DCAF8L2: variants seen among roughly 807,000 people sequenced by gnomAD.
DCAF8L2 encodes the protein DDB1- and CUL4-associated factor 8-like protein 2.
For missense variants in DCAF8L2, 430 were observed against 490.7 expected, an observed-to-expected ratio of 0.88 and a Z score of 1.17; for synonymous variants, 200 against 190.9, an observed-to-expected ratio of 1.05 and a Z score of -0.39.
At chrX:27,739,790 C>G (rs973504196) in intron 4 of DCAF8L2, among the ~76,000 whole-genome samples, 1 of 111,728 alleles carries the variant, frequency 9.0e-6, no homozygotes, top group African/African-American at 3.3e-5. Context: ...TTATTCCTGT[C>G]AAATACTTAG....
intron 2 of DCAF8L2, among the ~76,000 whole-genome samples, chrX:27,663,864 A>ATTTT (rs80069253): frequency 2.9e-5 from 2 of 69,003 alleles, no homozygotes; most frequent in African/African-American, 5.7e-5. Context: ...CACCTGGCTA[A>ATTTT]TTTTTTTTTT....
chrX:27,627,424 A>T (rs1404306775), intron 1 of DCAF8L2: 1 of 110,485 alleles, frequency 9.1e-6, no homozygotes, highest in African/African-American at 3.3e-5. Flanking sequence ...GTTTGGACAT[A>T]TGCAAACACC....
chrX:27,662,748 A>G (rs911244236), intron 2 of DCAF8L2, among the ~76,000 whole-genome samples: 2 of 111,513 alleles, frequency 1.8e-5, no homozygotes, highest in African/African-American at 6.5e-5. Flanking sequence ...GAAGTGGCCA[A>G]ATATCTTACA....
At chrX:27,674,146 T>C (rs994886534) in intron 2 of DCAF8L2, among the ~76,000 whole-genome samples, 1 of 111,423 alleles carries the variant, frequency 9.0e-6, no homozygotes, top group African/African-American at 3.3e-5. Context: ...ACTTATTATG[T>C]TGAGTGACAT....
Position 27,747,839 on chromosome X carries a change from C to G in DCAF8L2, c.944C>G (p.Ala315Gly). 1 of 1,209,538 alleles carries G rather than the reference C, an allele frequency of 8.3e-7. No homozygotes were observed. The highest frequency in any genetic ancestry group is 1.1e-6 in the Non-Finnish European group (1 of 894,092). The change falls in exon 5 of 5, where the codon GCC becomes GGC. Residue 315 changes from alanine to glycine, a missense_variant. Transcript: ENST00000451261. The stretch of plus-strand genomic sequence containing the variant: ...TATTTCAACAATACTAAGTGTGTGG[C>G]CCAGCACAGGGGACCTGCCCACAAG... ...ASYFNNTKCV[A>G]QHRGPAHKLA... is the part of the protein sequence containing the mutation.
At chrX:27,724,766 T>C (rs1156986581) in intron 4 of DCAF8L2, among the ~76,000 whole-genome samples, 1 of 111,327 alleles carries the variant, frequency 9.0e-6, no homozygotes, top group East Asian at 2.8e-4. Context: ...AACAATTTGA[T>C]AGATTGTTGC....
chrX:27,716,351 T>C (rs1326159262), intron 4 of DCAF8L2, among the ~76,000 whole-genome samples, 180 bp downstream of exon 4: 1 of 112,472 alleles, frequency 8.9e-6, no homozygotes, highest in Non-Finnish European at 1.9e-5. Context: ...CAAATAATAG[T>C]GTACCTAATA....
the DCAF8L2 span, among the ~76,000 whole-genome samples, chrX:27,533,226 GAAAGAA>G: frequency 7.1e-5 from 3 of 42,527 alleles, no homozygotes; most frequent in African/African-American, 1.8e-4. Context: ...AAGAAAGAAA[GAAAGAA>G]AGAGAAAGAA....
At chrX:27,495,959 A>C in the DCAF8L2 span, among the ~76,000 whole-genome samples, 1 of 111,469 alleles carries the variant, frequency 9.0e-6, no homozygotes, top group Non-Finnish European at 1.9e-5. Context: ...TCATTTGCAT[A>C]ATAGCTTTTC....
intron 1 of DCAF8L2, among the ~76,000 whole-genome samples, chrX:27,591,012 T>A (rs182324504): frequency 3.4e-5 from 3 of 88,523 alleles, no homozygotes; most frequent in Admixed American, 1.2e-4. Context: ...TATATATATA[T>A]ATAAATAAAT....
chrX:27,516,745 C>T, the DCAF8L2 span, among the ~76,000 whole-genome samples: 15 of 111,606 alleles, frequency 1.3e-4, no homozygotes, highest in Non-Finnish European at 5.6e-5. Flanking sequence ...TTACACACTC[C>T]GTTGTGTTTG....
intron 3 of DCAF8L2, among the ~76,000 whole-genome samples, chrX:27,707,315 T>C (rs1190072602): frequency 8.9e-6 from 1 of 111,941 alleles, no homozygotes; most frequent in Non-Finnish European, 1.9e-5. Context: ...ATAAATAATG[T>C]GCATATTGTA....
chrX:27,528,219 A>G, the DCAF8L2 span, among the ~76,000 whole-genome samples: 12 of 106,417 alleles, frequency 1.1e-4, no homozygotes, highest in East Asian at 3.2e-3. Flanking sequence ...ACAAGAAACA[A>G]TGTATTGGTT....
At chrX:27,510,250 G>T in the DCAF8L2 span, among the ~76,000 whole-genome samples, 2 of 109,820 alleles carry the variant, frequency 1.8e-5, no homozygotes, top group Non-Finnish European at 3.8e-5. Flanking sequence ...TCCCTGTCAT[G>T]CTTAATTAAA....
chrX:27,502,332 AAAAATATATATATATATATAT>A, the DCAF8L2 span, among the ~76,000 whole-genome samples: 11 of 34,064 alleles, frequency 3.2e-4, no homozygotes, highest in Non-Finnish European at 4.6e-4. Flanking sequence ...AAAAAAAAAA[AAAAATATATATATATATATAT>A]ATATATATAT....
intron 2 of DCAF8L2, chrX:27,632,684 T>C (rs965962611): frequency 1.8e-5 from 2 of 111,361 alleles, no homozygotes; most frequent in Admixed American, 9.6e-5. Flanking sequence ...TTTGCTCAAG[T>C]CCCACCTCCC....
At chrX:27,687,334 A>G (rs28720799) in intron 3 of DCAF8L2, among the ~76,000 whole-genome samples, 10,535 of 111,384 alleles carry the variant, frequency 0.095, 1,214 homozygotes, top group African/African-American at 0.33. Context: ...ATTAGGGGGG[A>G]AAACCTGTTC....
chrX:27,639,708 AT>A (rs770454529), intron 2 of DCAF8L2, among the ~76,000 whole-genome samples: 1 of 111,438 alleles, frequency 9.0e-6, no homozygotes, highest in African/African-American at 3.3e-5. Context: ...CATTTTTTAA[AT>A]TATGAAATTA....
chrX:27,495,513 G>A, the DCAF8L2 span, among the ~76,000 whole-genome samples: 196 of 111,911 alleles, frequency 1.8e-3, 1 homozygote, highest in Non-Finnish European at 3.3e-3. Flanking sequence ...GCATCGTCAC[G>A]ATATTGAATT....
Sources: allele counts gnomAD v4.1 joint callset (sites outside exome capture counted in the v4.1 genomes callset), GRCh38; gene constraint gnomAD v4.1.1; transcripts MANE v1.5; gene names NCBI Gene and HGNC (gene_info 2026-07-23, HGNC 2026-07-21).